Variants in KAZN observed in about 807,000 individuals in gnomAD.
The protein encoded by KAZN is kazrin, periplakin interacting protein.
KAZN carries 40 observed loss-of-function variants against 87.4 expected under a neutral mutation model. The observed-to-expected ratio is 0.46, with a 90% confidence interval of 0.36 to 0.60. KAZN has a LOEUF of 0.60. Among genes scored for constraint, KAZN ranks in the 20% least tolerant of loss-of-function variants. KAZN has a pLI of 0.00. For missense variants in KAZN, 898 were observed against 1,073.9 expected (o/e 0.84, Z 2.29); for synonymous variants, 466 against 458.3 (o/e 1.02, Z -0.22).
chr1:14,575,424 C>T (rs1272099196), intron 2 of KAZN, among the ~76,000 whole-genome samples: 1 of 152,084 alleles, frequency 6.6e-6, no homozygotes, highest in Non-Finnish European at 1.5e-5. Context: ...TTTATAAAAC[C>T]ATCAGATCTC....
intron 2 of KAZN, among the ~76,000 whole-genome samples, chr1:14,419,626 G>C (rs186930577): frequency 3.3e-5 from 5 of 152,200 alleles, no homozygotes; most frequent in African/African-American, 1.2e-4. Flanking sequence ...TAGTGTGTCC[G>C]GAGTTTGTTC....
intron 2 of KAZN, among the ~76,000 whole-genome samples, chr1:14,458,266 A>T (rs1239633078): frequency 6.6e-6 from 1 of 152,214 alleles, no homozygotes; most frequent in African/African-American, 2.4e-5. Context: ...TCATATTTCT[A>T]GCAACCTTGC....
chr1:14,437,687 G>C (rs1666477256), intron 2 of KAZN, among the ~76,000 whole-genome samples: 1 of 152,148 alleles, frequency 6.6e-6, no homozygotes, highest in South Asian at 2.1e-4. Flanking sequence ...AGTCGCTGCA[G>C]CCCGTGGGTC....
At chr1:13,996,331 G>A (rs1233475555) in intron 1 of KAZN, among the ~76,000 whole-genome samples, 2 of 152,178 alleles carry the variant, frequency 1.3e-5, no homozygotes, top group African/African-American at 4.8e-5. Context: ...TCCCGGGGAG[G>A]GAGGGGCAAC....
chr1:14,138,107 G>A (rs890249148), intron 1 of KAZN, among the ~76,000 whole-genome samples: 2 of 151,792 alleles, frequency 1.3e-5, no homozygotes, highest in South Asian at 2.1e-4. Flanking sequence ...GTGTGTGTGT[G>A]TATACATATC....
At chr1:15,079,300 G>T (rs1204637255) in intron 8 of KAZN, among the ~76,000 whole-genome samples, 1 of 152,096 alleles carries the variant, frequency 6.6e-6, no homozygotes, top group Non-Finnish European at 1.5e-5. Flanking sequence ...GCCAGGGAGG[G>T]GGCTCATTCA....
intron 1 of KAZN, among the ~76,000 whole-genome samples, chr1:14,116,229 G>T (rs1293384459): frequency 1.3e-5 from 2 of 152,182 alleles, no homozygotes; most frequent in Admixed American, 6.5e-5. Context: ...TGTCTCCAGG[G>T]CATGTCAGAG....
At chr1:14,282,940 G>A (rs1280703079) in intron 2 of KAZN, among the ~76,000 whole-genome samples, 4 of 152,186 alleles carry the variant, frequency 2.6e-5, no homozygotes, top group East Asian at 1.9e-4. Flanking sequence ...TGCTGTTTCT[G>A]TAATTTCCCC....
chr1:14,441,375 G>A (rs539094397), intron 2 of KAZN, among the ~76,000 whole-genome samples: 5 of 151,938 alleles, frequency 3.3e-5, no homozygotes, highest in South Asian at 2.1e-4. Context: ...CAGCGGCAGC[G>A]GCAGCAGCAG....
At chr1:14,838,918 G>A (rs1253165946) in intron 1 of KAZN, among the ~76,000 whole-genome samples, 2 of 152,232 alleles carry the variant, frequency 1.3e-5, no homozygotes, top group East Asian at 1.9e-4. Flanking sequence ...CACCGCACCT[G>A]GCCCTGATTC....
chr1:14,514,583 T>TAATATATGAAATATA (rs1345658172), intron 2 of KAZN, among the ~76,000 whole-genome samples: 1 of 62,818 alleles, frequency 1.6e-5, no homozygotes, highest in Non-Finnish European at 3.2e-5. Flanking sequence ...ATTTTATATA[T>TAATATATGAAATATA]TTTTTTATAT....
At chr1:14,983,667 C>A (rs993849079) in intron 2 of KAZN, among the ~76,000 whole-genome samples, 1 of 152,192 alleles carries the variant, frequency 6.6e-6, no homozygotes, top group Admixed American at 6.5e-5. Context: ...AGAGGCCGGG[C>A]GTGGTGGCTC....
chr1:14,954,912 A>G (rs1450884801), intron 1 of KAZN, among the ~76,000 whole-genome samples: 1 of 152,176 alleles, frequency 6.6e-6, no homozygotes, highest in Non-Finnish European at 1.5e-5. Flanking sequence ...AGATCGCGCC[A>G]CTGTACTCCA....
chr1:14,176,497 A>G lies in KAZN; in HGVS notation c.92-3938A>G, dbSNP rs149357086. Among the ~76,000 whole-genome samples the G allele has an allele frequency of 2.0e-5, 3 of 152,298 alleles. No individual in the cohort carries two copies. The East Asian group carries it at 5.8e-4, about 29-fold the overall frequency. On this transcript the variant is annotated intron_variant, in intron 1 of 16. Coordinates refer to the KAZN transcript ENST00000636203. ...GGGAACTTCTGTTTTCAGATCCCCA[A>G]ATCTGTCTGGGTGTTTCTAACCCTC... is the stretch of plus-strand genomic sequence containing the variant.
intron 1 of KAZN, among the ~76,000 whole-genome samples, chr1:14,615,200 A>G (rs1329199726): frequency 6.6e-6 from 1 of 152,220 alleles, no homozygotes; most frequent in Non-Finnish European, 1.5e-5. Context: ...ATGAGCGCCC[A>G]GGATACCCGG....
intron 2 of KAZN, among the ~76,000 whole-genome samples, chr1:14,513,489 A>T (rs1671028228): frequency 2.0e-5 from 3 of 152,180 alleles, no homozygotes; most frequent in Non-Finnish European, 4.4e-5. Flanking sequence ...TGACTAATGA[A>T]TTGCCAAGCT....
chr1:15,031,009 A>T (rs2175771), intron 2 of KAZN, among the ~76,000 whole-genome samples: 5 of 152,144 alleles, frequency 3.3e-5, no homozygotes, highest in Admixed American at 6.5e-5. Flanking sequence ...CAGATCCCTC[A>T]GTCCTTAGGC....
chr1:14,345,487 A>G (rs930064899), intron 2 of KAZN, among the ~76,000 whole-genome samples: 4 of 67,410 alleles, frequency 5.9e-5, no homozygotes, highest in African/African-American at 3.4e-4. Flanking sequence ...TTAGCACAGT[A>G]TGATAAAAAT....
intron 1 of KAZN, among the ~76,000 whole-genome samples, chr1:14,022,340 A>G (rs1395825173): frequency 6.6e-6 from 1 of 152,036 alleles, no homozygotes; most frequent in Non-Finnish European, 1.5e-5. Context: ...GCTTTGTATA[A>G]ATGTTAGCCT....
Sources: gnomAD v4.1 joint callset for allele counts (sites outside exome capture counted in the v4.1 genomes callset) on GRCh38, gnomAD v4.1.1 for gene constraint, MANE v1.5 for transcripts, NCBI Gene and HGNC (gene_info 2026-07-23, HGNC 2026-07-21) for gene names.